Variants in LRBA observed in about 807,000 individuals in gnomAD.
LRBA encodes LPS responsive beige-like anchor protein, also known as lipopolysaccharide-responsive and beige-like anchor protein.
A neutral mutation model predicts 330.0 loss-of-function variants in LRBA; 176 were observed. The ratio of observed to expected loss-of-function variants is 0.53; its 90% CI spans 0.47 to 0.60. The LOEUF is 0.60. Among genes scored for constraint, LRBA ranks in the 20% least tolerant of loss-of-function variants. The pLI, the probability that LRBA is intolerant of heterozygous loss-of-function variation, is 0.00. For synonymous variants in LRBA, 1,230 were observed against 1,193.0 expected (o/e 1.03, Z -0.64); for missense variants, 3,259 against 3,444.8 (o/e 0.95, Z 1.35).
chr4:150,379,129 C>G (rs1217159251), intron 47 of LRBA, among the ~76,000 whole-genome samples: 1 of 151,344 alleles, frequency 6.6e-6, no homozygotes, highest in African/African-American at 2.4e-5. Context: ...ATGGTGAAAC[C>G]CTGCCTCTAC....
intron 38 of LRBA, among the ~76,000 whole-genome samples, chr4:150,598,731 G>A (rs1299459047): frequency 6.6e-6 from 1 of 152,110 alleles, no homozygotes; most frequent in South Asian, 2.1e-4. Flanking sequence ...TGAATGTGTC[G>A]CTTAAAAGGA....
At chr4:150,363,815 T>C (rs17504324) in intron 47 of LRBA, among the ~76,000 whole-genome samples, 29,600 of 152,200 alleles carry the variant, frequency 0.19, 2,920 homozygotes, top group Admixed American at 0.22. Context: ...ATTTAAGAAA[T>C]TCTTCTGATT....
chr4:150,903,801 T>C (rs1163965771), intron 13 of LRBA, among the ~76,000 whole-genome samples: 3 of 152,208 alleles, frequency 2.0e-5, no homozygotes, highest in Admixed American at 6.5e-5. Context: ...CATATGCTAA[T>C]TATGAATAAA....
chr4:150,579,594 T>C (rs1461208559), intron 40 of LRBA: 1 of 449,152 alleles, frequency 2.2e-6, no homozygotes, highest in East Asian at 7.0e-5. Flanking sequence ...CTTCCCTCTG[T>C]ATGTAAAAGT....
At chr4:150,776,011 C>T (rs1270176500) in intron 34 of LRBA, among the ~76,000 whole-genome samples, 1 of 151,836 alleles carries the variant, frequency 6.6e-6, no homozygotes, top group East Asian at 1.9e-4. Flanking sequence ...ATGATAATAA[C>T]GTAAATACTA....
intron 14 of LRBA, among the ~76,000 whole-genome samples, chr4:150,898,873 T>G (rs1053913842): frequency 2.0e-5 from 3 of 152,172 alleles, no homozygotes; most frequent in Admixed American, 2.0e-4. Flanking sequence ...CTTAAAAAGT[T>G]CATAGCTTGC....
chr4:150,818,206 A>G (rs954436523), intron 30 of LRBA, among the ~76,000 whole-genome samples: 1 of 152,130 alleles, frequency 6.6e-6, no homozygotes, highest in Non-Finnish European at 1.5e-5. Flanking sequence ...TGTAATTCCA[A>G]TATTTTAATA....
intron 37 of LRBA, among the ~76,000 whole-genome samples, chr4:150,636,104 T>G (rs1321976476): frequency 6.6e-6 from 1 of 151,804 alleles, no homozygotes; most frequent in Non-Finnish European, 1.5e-5. Context: ...TTTCAGTTTC[T>G]CTAATTACTA....
intron 33 of LRBA, among the ~76,000 whole-genome samples, chr4:150,805,812 C>T (rs1334632795): frequency 1.3e-5 from 2 of 151,924 alleles, no homozygotes; most frequent in Non-Finnish European, 2.9e-5. Flanking sequence ...AAGTACACTA[C>T]CTAGAAGAGA....
chr4:150,898,119 C>A (rs1485397597), intron 14 of LRBA, among the ~76,000 whole-genome samples: 1 of 151,586 alleles, frequency 6.6e-6, no homozygotes, highest in African/African-American at 2.4e-5. Flanking sequence ...AATTTGTATT[C>A]AATAATAATA....
At chr4:150,305,034 G>A (rs180950893) in intron 52 of LRBA, among the ~76,000 whole-genome samples, 10 of 152,310 alleles carry the variant, frequency 6.6e-5, no homozygotes, top group African/African-American at 2.4e-4. Flanking sequence ...AATAGATTAT[G>A]TATGGGCAGG....
At chr4:150,719,296 C>A (rs988426206) in intron 36 of LRBA, among the ~76,000 whole-genome samples, 3 of 151,928 alleles carry the variant, frequency 2.0e-5, no homozygotes, top group Non-Finnish European at 4.4e-5. Context: ...AAAGAACACA[C>A]ACTACCCACC....
chr4:150,970,237 C>G (rs1009736986), intron 2 of LRBA, among the ~76,000 whole-genome samples: 26 of 152,172 alleles, frequency 1.7e-4, no homozygotes, highest in South Asian at 8.3e-4. Context: ...TGATGGCTCA[C>G]ATCTGTAATC....
intron 2 of LRBA, among the ~76,000 whole-genome samples, chr4:150,984,906 C>CT (rs1490017687): frequency 6.6e-6 from 1 of 152,204 alleles, no homozygotes; most frequent in Non-Finnish European, 1.5e-5. Flanking sequence ...CAGCAATTCT[C>CT]TAACACTCAA....
At chr4:150,526,985 AG>A (rs1174670901) in intron 40 of LRBA, among the ~76,000 whole-genome samples, 1 of 151,736 alleles carries the variant, frequency 6.6e-6, no homozygotes, top group Non-Finnish European at 1.5e-5. Context: ...AATCAATGAG[AG>A]AATCTCTCTC....
At chr4:150,956,235 A>G (rs1422090288) in intron 2 of LRBA, among the ~76,000 whole-genome samples, 2 of 149,014 alleles carry the variant, frequency 1.3e-5, no homozygotes, top group African/African-American at 5.2e-5. Context: ...AAGACACACT[A>G]TGAACAATTG....
chr4:150,494,075 T>G (rs1486220823), intron 40 of LRBA, among the ~76,000 whole-genome samples: 1 of 151,260 alleles, frequency 6.6e-6, no homozygotes, highest in Non-Finnish European at 1.5e-5. Context: ...CAATACAACA[T>G]CCTGTCTCTA....
intron 4 of LRBA, among the ~76,000 whole-genome samples, chr4:150,925,498 G>A (rs1042969373): frequency 2.6e-5 from 4 of 152,300 alleles, no homozygotes; most frequent in Non-Finnish European, 5.9e-5. Context: ...TCCTCTTGAG[G>A]TTGGCTCCAC....
At chr4:150,720,287 AAAGAC>A (rs1021951456) in intron 36 of LRBA, among the ~76,000 whole-genome samples, 4 of 152,280 alleles carry the variant, frequency 2.6e-5, no homozygotes, top group African/African-American at 9.6e-5. Context: ...TTAATATAGA[AAAGAC>A]AAAACATCTG....
Sources: gnomAD v4.1 joint callset for allele counts (sites outside exome capture counted in the v4.1 genomes callset) on GRCh38, gnomAD v4.1.1 for gene constraint, MANE v1.5 for transcripts, NCBI Gene and HGNC (gene_info 2026-07-23, HGNC 2026-07-21) for gene names.